Variants in MCCC1 observed in about 807,000 individuals in gnomAD.
MCCC1 encodes methylcrotonoyl-CoA carboxylase subunit alpha, mitochondrial.
MCCC1 carries 64 observed loss-of-function variants against 83.8 expected under a neutral mutation model. The observed-to-expected ratio is 0.76, with a 90% CI of 0.62 to 0.94. MCCC1 has a LOEUF of 0.94. MCCC1 is among the 40% of genes least tolerant of loss of function. The pLI, the probability that MCCC1 is intolerant of heterozygous loss-of-function variation, is 0.00. For missense variants in MCCC1, 807 were observed against 904.7 expected, an observed-to-expected ratio of 0.89 and a Z score of 1.39; for synonymous variants, 322 against 315.4, an observed-to-expected ratio of 1.02 and a Z score of -0.22.
chr3:183,113,409 C>T (rs1197717857), intron 1 of MCCC1, among the ~76,000 whole-genome samples: 1 of 78,264 alleles, frequency 1.3e-5, no homozygotes, highest in Admixed American at 2.1e-4. Context: ...ACTCCGGGGA[C>T]TGTTGTGGGG....
At position 183,028,890 on chromosome 3, in the gene MCCC1, T is replaced by C. The variant is rs145002157; in HGVS notation, c.1682-3086A>G. On this transcript the variant is annotated intron_variant, in intron 14 of 18. Transcript: ENST00000265594. ...TATAAATCAATCACAGCCATCAACA[T>C]TGAGGCAAGACCCTATGCCAGCAAC... 2.5e-3 allele frequency among the ~76,000 whole-genome samples: 378 copies of C among 152,332 alleles called. 5 individuals are homozygous for C. Among genetic ancestry groups the C allele is most frequent in the African/African-American group, 8.6e-3 (357 of 41,582 alleles).
At chr3:183,109,184 G>T (rs1368521306) in intron 1 of MCCC1, among the ~76,000 whole-genome samples, 1 of 152,048 alleles carries the variant, frequency 6.6e-6, no homozygotes, top group South Asian at 2.1e-4. Flanking sequence ...TAGAGACGGG[G>T]TTTCACCATG....
intron 14 of MCCC1, among the ~76,000 whole-genome samples, chr3:183,030,600 G>A (rs1169469774): frequency 6.6e-6 from 1 of 152,138 alleles, no homozygotes; most frequent in Non-Finnish European, 1.5e-5. Context: ...CTCTCTATCA[G>A]TTGTTTCAGA....
chr3:183,062,129 G>A (rs757953437), intron 7 of MCCC1, among the ~76,000 whole-genome samples: 7 of 152,142 alleles, frequency 4.6e-5, no homozygotes, highest in Admixed American at 1.3e-4. Context: ...GTGGAACTGT[G>A]AGTCCATTAA....
At chr3:183,101,953 G>C (rs887627157), upstream of MCCC1, among the ~76,000 whole-genome samples, 1 of 151,946 alleles carries the variant, frequency 6.6e-6, no homozygotes, top group African/African-American at 2.4e-5. Context: ...GTGAGACCAC[G>C]AACCCACCAG....
upstream of MCCC1, chr3:183,099,552 G>A (rs1183461191): frequency 7.9e-7 from 1 of 1,262,400 alleles, no homozygotes; most frequent in African/African-American, 1.5e-5. Context: ...GCCACCGTCG[G>A]AGCCTGAGCC....
In MCCC1 at chr3:183,060,652, G is replaced by A. The variant is rs370778614; in HGVS notation, c.762-3230C>T. 2.8e-4 allele frequency among the ~76,000 whole-genome samples: 42 copies of A among 151,994 alleles called. No individual in the cohort carries two copies. In the East Asian group the frequency reaches 3.9e-3, roughly 14 times the overall value. On this transcript the variant is annotated intron_variant, in intron 7 of 18. Coordinates refer to ENST00000265594, the MANE Select transcript of MCCC1 (RefSeq NM_020166.5). The stretch of plus-strand genomic sequence containing the variant: ...AGGTTTGTTACATATGTATACATGC[G>A]CCATGTTGGTGTGCTGCACCCATTA...
chr3:183,083,398 C>T (rs1273702692), intron 4 of MCCC1, among the ~76,000 whole-genome samples: 1 of 152,240 alleles, frequency 6.6e-6, no homozygotes, highest in Non-Finnish European at 1.5e-5. Context: ...TTCATTCACT[C>T]ATGTTACTTG....
intron 15 of MCCC1, among the ~76,000 whole-genome samples, chr3:183,024,069 A>G (rs1948799): frequency 0.9 from 136,920 of 152,058 alleles, 61,938 homozygotes; most frequent in East Asian, 1. Context: ...TGACCAACAC[A>G]GTGAAACCCT....
Position 183,086,727 on chromosome 3 carries a change from T to C in MCCC1, c.335A>G (p.Lys112Arg). ...AGAGGTCTTGGCCACTTGAATGATT[T>C]TCTCCATAGATAGGTAGCTCTGCTG... ...PSQQSYLSME[K>R]IIQVAKTSAA... The change falls in exon 4 of 19, where the codon AAA becomes AGA. Residue 112 changes from lysine (K) to arginine (R), a missense_variant. Transcript: ENST00000265594. 6.2e-7 allele frequency: 1 copy of C among 1,614,216 alleles called. No individual in the cohort carries two copies.
chr3:183,015,921 T>TG (rs1302588805), intron 18 of MCCC1, among the ~76,000 whole-genome samples: 1 of 151,384 alleles, frequency 6.6e-6, no homozygotes, highest in African/African-American at 2.4e-5. Flanking sequence ...GTTTTTTTTT[T>TG]TTTGTTTTTT....
chr3:183,017,234 C>A (rs373999725), intron 18 of MCCC1, 32 bp downstream of exon 18: 46 of 1,592,072 alleles, frequency 2.9e-5, no homozygotes, highest in Non-Finnish European at 3.8e-5. Context: ...CTCCCAAAGT[C>A]CTCATAGCAA....
chr3:183,105,899 C>A (rs1197757405), intron 1 of MCCC1, among the ~76,000 whole-genome samples: 4 of 151,904 alleles, frequency 2.6e-5, no homozygotes, highest in Non-Finnish European at 5.9e-5. Flanking sequence ...ACCAGCCTGG[C>A]CAACATGGTG....
At chr3:183,044,729 G>C (rs73886206) in intron 10 of MCCC1, among the ~76,000 whole-genome samples, 1 of 152,012 alleles carries the variant, frequency 6.6e-6, no homozygotes, top group East Asian at 1.9e-4. Context: ...CTGGCTGCCC[G>C]GGCCTAGGGG....
At chr3:183,074,100 T>C (rs1036550947) in intron 4 of MCCC1, among the ~76,000 whole-genome samples, 2 of 152,210 alleles carry the variant, frequency 1.3e-5, no homozygotes, top group East Asian at 1.9e-4. Flanking sequence ...ATTTCTGGAA[T>C]TTTCCATTTA....
intron 14 of MCCC1, among the ~76,000 whole-genome samples, chr3:183,030,127 G>A (rs1242716104): frequency 5.3e-5 from 8 of 152,108 alleles, no homozygotes; most frequent in African/African-American, 1.7e-4. Flanking sequence ...GGCCAACATG[G>A]TGAAACCCCA....
At chr3:183,019,133 A>G (rs550245692) in intron 17 of MCCC1, among the ~76,000 whole-genome samples, 1 of 152,194 alleles carries the variant, frequency 6.6e-6, no homozygotes, top group East Asian at 1.9e-4. Context: ...AATCACCCAC[A>G]CTATTTAAGT....
intron 8 of MCCC1, 119 bp from the exon 9 acceptor site, chr3:183,052,359 T>C (rs1420642983): frequency 1.7e-5 from 14 of 801,214 alleles, no homozygotes; most frequent in Non-Finnish European, 6.4e-6. Context: ...ACAGACCACA[T>C]ATACAACAGT....
rs548670641 is a variant in MCCC1, at chr3:183,024,086, A to T, written c.1732-1532T>A. Among the ~76,000 whole-genome samples the T allele has an allele frequency of 3.2e-4, 49 of 152,156 alleles. No homozygotes were observed. In the South Asian group the frequency reaches 1.0e-2, roughly 31 times the overall value. On this transcript the variant is annotated intron_variant, in intron 15 of 18. Coordinates refer to ENST00000265594, the MANE Select transcript of MCCC1 (RefSeq NM_020166.5). ...ACCAACACAGTGAAACCCTGTCTTT[A>T]CTGAAAACACACAATTACCCGGGCA...
Sources: allele counts gnomAD v4.1 joint callset (sites outside exome capture counted in the v4.1 genomes callset), GRCh38; gene constraint gnomAD v4.1.1; transcripts MANE v1.5; gene names NCBI Gene and HGNC (gene_info 2026-07-23, HGNC 2026-07-21).